Variants in FHOD3 observed in about 807,000 individuals in gnomAD.
FHOD3 encodes FH1/FH2 domain-containing protein 3.
In FHOD3, 90 loss-of-function variants were observed where a neutral mutation model predicts 173.0. The observed-to-expected ratio is 0.52, with a 90% CI of 0.44 to 0.62. The LOEUF (loss-of-function observed/expected upper bound fraction) is 0.62. FHOD3 is among the 20% of genes least tolerant of loss of function. The probability of loss-of-function intolerance (pLI) is 0.00; values close to 1 mark genes in which losing one functional copy is unlikely to be tolerated. For missense variants in FHOD3, 1,945 were observed against 2,034.7 expected (o/e 0.96, Z 0.85); for synonymous variants, 828 against 823.0 (o/e 1.01, Z -0.10).
At chr18:36,556,966 T>C (rs1174929478) in intron 5 of FHOD3, among the ~76,000 whole-genome samples, 1 of 152,220 alleles carries the variant, frequency 6.6e-6, no homozygotes, top group East Asian at 1.9e-4. Flanking sequence ...GACAGGTTTT[T>C]TCTCCAGCGC....
intron 6 of FHOD3, among the ~76,000 whole-genome samples, chr18:36,581,520 A>G (rs1243757145): frequency 6.6e-6 from 1 of 152,152 alleles, no homozygotes; most frequent in Admixed American, 6.5e-5. Context: ...CTAAGTTCCC[A>G]TCAGCCCCAT....
At chr18:36,638,152 A>C (rs1415959970) in intron 10 of FHOD3, among the ~76,000 whole-genome samples, 2 of 152,118 alleles carry the variant, frequency 1.3e-5, no homozygotes, top group East Asian at 3.9e-4. Flanking sequence ...AATAGCAAAA[A>C]CTCTTTAGAA....
At chr18:36,706,349 G>A (rs1401789175) in intron 17 of FHOD3, among the ~76,000 whole-genome samples, 4 of 152,198 alleles carry the variant, frequency 2.6e-5, no homozygotes, top group Non-Finnish European at 5.9e-5. Flanking sequence ...ACTGAGTCAT[G>A]TATTCTGGGC....
rs1269666277 is a variant in FHOD3 at position 36,653,438 on chromosome 18, C to T, written c.1721+22C>T. 6.1e-6 allele frequency: 9 copies of T among 1,478,920 alleles called. No individual in the cohort carries two copies. In the African/African-American group the frequency reaches 1.1e-4, roughly 18 times the overall value. 91.6% of individuals were successfully genotyped at this position (1,478,920 alleles called of 1,614,324 possible). ...ATAGGTGGGTGTCTTTATTTTCTTT[C>T]CCTTTTCTGTAGCTTTCTGTTTTAT... On this transcript the variant is annotated intron_variant, in intron 13 of 28. Transcript: ENST00000590592.
intron 3 of FHOD3, among the ~76,000 whole-genome samples, chr18:36,449,433 G>A (rs1055976104): frequency 6.6e-6 from 1 of 152,088 alleles, no homozygotes; most frequent in Admixed American, 6.6e-5. Flanking sequence ...TATTCGTGTG[G>A]GGTTGAGACT....
chr18:36,322,640 C>T (rs1280370103), intron 1 of FHOD3, among the ~76,000 whole-genome samples: 1 of 152,132 alleles, frequency 6.6e-6, no homozygotes, highest in Admixed American at 6.5e-5. Context: ...TCACCTGCAC[C>T]TGGAACCTTG....
intron 5 of FHOD3, among the ~76,000 whole-genome samples, chr18:36,570,785 T>C (rs138341005): frequency 6.6e-6 from 1 of 152,294 alleles, no homozygotes; most frequent in East Asian, 1.9e-4. Context: ...TATCAGTTGA[T>C]GTAGAAGAAG....
At chr18:36,503,342 T>C (rs1479752718) in intron 4 of FHOD3, among the ~76,000 whole-genome samples, 1 of 152,212 alleles carries the variant, frequency 6.6e-6, no homozygotes, top group Non-Finnish European at 1.5e-5. Flanking sequence ...CCATCTCATC[T>C]ACATCCTTAA....
intron 10 of FHOD3, among the ~76,000 whole-genome samples, chr18:36,635,415 C>G (rs76414493): frequency 0.026 from 3,897 of 152,252 alleles, 178 homozygotes; most frequent in African/African-American, 0.09. Flanking sequence ...TGTAGTGTTT[C>G]TGCAGGAGCA....
chr18:36,470,095 C>T (rs141237261), intron 3 of FHOD3, among the ~76,000 whole-genome samples: 98 of 152,202 alleles, frequency 6.4e-4, no homozygotes, highest in Non-Finnish European at 1.1e-3. Flanking sequence ...GCGGGGTGCC[C>T]GAGGCAGGCA....
At chr18:36,732,692 C>G (rs960956561) in intron 20 of FHOD3, among the ~76,000 whole-genome samples, 1 of 152,084 alleles carries the variant, frequency 6.6e-6, no homozygotes, top group Non-Finnish European at 1.5e-5. Context: ...CTGGGAGATA[C>G]AGAGAGAGAG....
At chr18:36,665,293 A>T (rs552292806) in intron 14 of FHOD3, among the ~76,000 whole-genome samples, 38 of 152,364 alleles carry the variant, frequency 2.5e-4, no homozygotes, top group African/African-American at 8.4e-4. Flanking sequence ...TTCAACAAGT[A>T]CTTATTGAGT....
rs2052158735 is a variant in FHOD3, at chr18:36,455,696, T to G, written c.338-46236T>G. ...TATAAACCGTGCTATGGGCCCTGCC[T>G]TCCTCAGGCTCTGAGGTGAGTTAAC... On this transcript the variant is annotated intron_variant, in intron 3 of 28. Coordinates refer to ENST00000590592, the MANE Select transcript of FHOD3 (RefSeq NM_001281740.3). Among the ~76,000 whole-genome samples, 3 of 152,140 alleles carry G rather than the reference T, an allele frequency of 2.0e-5. No homozygotes were observed. The South Asian group carries it at 6.2e-4, about 31-fold the overall frequency.
At chr18:36,544,073 CAT>C (rs1430968506) in intron 5 of FHOD3, among the ~76,000 whole-genome samples, 1 of 152,166 alleles carries the variant, frequency 6.6e-6, no homozygotes, top group Admixed American at 6.5e-5. Flanking sequence ...AAATATGTCA[CAT>C]GAGTGAGAGC....
intron 3 of FHOD3, among the ~76,000 whole-genome samples, chr18:36,380,939 C>A (rs1056316355): frequency 1.3e-5 from 2 of 152,216 alleles, no homozygotes; most frequent in African/African-American, 2.4e-5. Context: ...GGGGGTCCAC[C>A]AATGGCAAGG....
intron 1 of FHOD3, among the ~76,000 whole-genome samples, chr18:36,336,563 G>A (rs1451382713): frequency 2.6e-5 from 4 of 152,032 alleles, no homozygotes; most frequent in African/African-American, 4.8e-5. Flanking sequence ...TTGGCTGAAC[G>A]CAGTGGCTCA....
intron 8 of FHOD3, among the ~76,000 whole-genome samples, chr18:36,606,399 C>G (rs528700618): frequency 1.3e-5 from 2 of 152,020 alleles, no homozygotes; most frequent in Non-Finnish European, 2.9e-5. Context: ...GTGAAACTTA[C>G]GCTCTGTTGG....
chr18:36,722,582 T>A (rs1361715431), intron 19 of FHOD3, among the ~76,000 whole-genome samples: 2 of 151,902 alleles, frequency 1.3e-5, no homozygotes, highest in Admixed American at 6.5e-5. Flanking sequence ...TAGGTCAGGG[T>A]GAGCCTTGGC....
rs533395301 is a variant in FHOD3, at chr18:36,548,141, G to A, written c.512-28310G>A. On this transcript the variant is annotated intron_variant, in intron 5 of 28. Coordinates refer to ENST00000590592, the MANE Select transcript of FHOD3 (RefSeq NM_001281740.3). ...CAGGAGGCGGAGGTTGCAGTGAGCCGAGATCGTGCCACTGCACTCCAGCCT... is the reference window on the plus strand; with the variant it reads ...CAGGAGGCGGAGGTTGCAGTGAGCCAAGATCGTGCCACTGCACTCCAGCCT... Among the ~76,000 whole-genome samples the A allele has an allele frequency of 6.6e-5, 10 of 152,232 alleles. No individual in the cohort carries two copies. In the South Asian group the frequency reaches 8.3e-4, roughly 13 times the overall value.
Sources: gnomAD v4.1 joint callset for allele counts (sites outside exome capture counted in the v4.1 genomes callset) on GRCh38, gnomAD v4.1.1 for gene constraint, MANE v1.5 for transcripts, NCBI Gene and HGNC (gene_info 2026-07-23, HGNC 2026-07-21) for gene names.